Variants in PSD3 observed in about 807,000 individuals in gnomAD.
The protein encoded by PSD3 is PH and SEC7 domain-containing protein 3.
A neutral mutation model predicts 105.5 loss-of-function variants in PSD3; 49 were observed. The observed-to-expected ratio is 0.46, with a 90% CI of 0.37 to 0.59. The LOEUF (loss-of-function observed/expected upper bound fraction) is 0.59. Ranked by LOEUF, PSD3 falls within the 20% of genes least tolerant of loss-of-function variation. The pLI, the probability that PSD3 is intolerant of heterozygous loss-of-function variation, is 0.00. For synonymous variants in PSD3, 557 were observed against 457.8 expected (o/e 1.22, Z -2.77); for missense variants, 1,561 against 1,263.8 (o/e 1.24, Z -3.57).
At chr8:18,699,129 C>A (rs915778740) in intron 9 of PSD3, among the ~76,000 whole-genome samples, 3 of 152,106 alleles carry the variant, frequency 2.0e-5, no homozygotes, top group African/African-American at 7.2e-5. Context: ...TCTCAGCATC[C>A]CTTGCAACTA....
chr8:18,945,188 C>G (rs991705938), intron 1 of PSD3, among the ~76,000 whole-genome samples: 2 of 152,216 alleles, frequency 1.3e-5, no homozygotes, highest in Non-Finnish European at 2.9e-5. Flanking sequence ...TGTCACCTTA[C>G]ATGGCATAGC....
chr8:18,884,101 A>G (rs1818297789), intron 2 of PSD3, among the ~76,000 whole-genome samples: 1 of 152,204 alleles, frequency 6.6e-6, no homozygotes, highest in Admixed American at 6.5e-5. Flanking sequence ...CAGGAAAAAG[A>G]GTGACCACTC....
intron 9 of PSD3, among the ~76,000 whole-genome samples, chr8:18,672,799 G>A (rs915094695): frequency 6.6e-6 from 1 of 152,168 alleles, no homozygotes; most frequent in South Asian, 2.1e-4. Context: ...AACTGCTAGA[G>A]TATAAAGTCT....
intron 1 of PSD3, among the ~76,000 whole-genome samples, chr8:19,066,720 G>A (rs887465989): frequency 3.9e-5 from 6 of 152,294 alleles, no homozygotes; most frequent in Non-Finnish European, 8.8e-5. Context: ...AACAATAATA[G>A]AATCTATCTG....
chr8:19,052,919 G>A (rs569810104), intron 1 of PSD3, among the ~76,000 whole-genome samples: 1 of 152,108 alleles, frequency 6.6e-6, no homozygotes, highest in Non-Finnish European at 1.5e-5. Context: ...TACTTGTAGA[G>A]GGCCTGCTTG....
chr8:18,929,943 A>C (rs1472065563), intron 2 of PSD3, among the ~76,000 whole-genome samples: 1 of 152,240 alleles, frequency 6.6e-6, no homozygotes. Context: ...AAATAAAACT[A>C]TAAAAATGTT....
chr8:19,036,493 C>T (rs1418168795), intron 1 of PSD3, among the ~76,000 whole-genome samples: 1 of 152,136 alleles, frequency 6.6e-6, no homozygotes, highest in Non-Finnish European at 1.5e-5. Context: ...TCCTCTAATC[C>T]AGCTCTCTGC....
intron 9 of PSD3, among the ~76,000 whole-genome samples, chr8:18,670,235 G>C (rs1021909911): frequency 6.6e-6 from 1 of 152,198 alleles, no homozygotes; most frequent in Non-Finnish European, 1.5e-5. Context: ...ACTGAACCGG[G>C]TGGGTCTGAG....
intron 4 of PSD3, among the ~76,000 whole-genome samples, chr8:18,819,761 T>C (rs1327645766): frequency 2.0e-5 from 3 of 151,930 alleles, no homozygotes; most frequent in Non-Finnish European, 4.4e-5. Context: ...GTCTGTTTAG[T>C]AGAGATGGGG....
intron 1 of PSD3, among the ~76,000 whole-genome samples, chr8:19,038,365 C>T (rs986998567): frequency 6.6e-6 from 1 of 152,152 alleles, no homozygotes; most frequent in African/African-American, 2.4e-5. Context: ...TTTTACAGGA[C>T]TTTTATCACT....
intron 10 of PSD3, among the ~76,000 whole-genome samples, chr8:18,634,304 G>C (rs9657489): frequency 0.017 from 2,660 of 152,056 alleles, 76 homozygotes; most frequent in African/African-American, 0.06. Flanking sequence ...TGTGAGATAA[G>C]TGAAAACAAA....
intron 8 of PSD3, among the ~76,000 whole-genome samples, chr8:18,790,581 C>T (rs191986639): frequency 8.5e-5 from 13 of 152,156 alleles, no homozygotes; most frequent in African/African-American, 2.6e-4. Context: ...GGATTACAGG[C>T]GTGAGCCACT....
intron 10 of PSD3, among the ~76,000 whole-genome samples, chr8:18,643,996 A>G (rs1482805769): frequency 1.3e-5 from 2 of 152,218 alleles, no homozygotes; most frequent in African/African-American, 4.8e-5. Flanking sequence ...TGGGGAGCAG[A>G]GAACTGAGGG....
chr8:18,844,785 A>AT (rs1814945894), intron 4 of PSD3, among the ~76,000 whole-genome samples: 1 of 152,236 alleles, frequency 6.6e-6, no homozygotes, highest in Non-Finnish European at 1.5e-5. Context: ...GCTATGGAAG[A>AT]TTTTAACCAA....
chr8:18,782,323 G>T (rs1323173229), intron 8 of PSD3, among the ~76,000 whole-genome samples: 4 of 151,962 alleles, frequency 2.6e-5, no homozygotes, highest in Non-Finnish European at 4.4e-5. Context: ...GGGTTTCGAA[G>T]GGAAAGACAT....
intron 9 of PSD3, among the ~76,000 whole-genome samples, chr8:18,719,186 T>G (rs1024573131): frequency 6.6e-6 from 1 of 152,194 alleles, no homozygotes; most frequent in Non-Finnish European, 1.5e-5. Context: ...GAAGGCACCC[T>G]GGAAGATGGG....
At chr8:18,842,104 C>T (rs1814675038) in intron 4 of PSD3, among the ~76,000 whole-genome samples, 2 of 152,038 alleles carry the variant, frequency 1.3e-5, no homozygotes, top group Admixed American at 1.3e-4. Flanking sequence ...CTTGGAATAC[C>T]AAGAAGCAAA....
chr8:18,935,511 TAAAAAAAAAAA>T (rs5889837), intron 2 of PSD3, among the ~76,000 whole-genome samples: 1 of 138,082 alleles, frequency 7.2e-6, no homozygotes, highest in Non-Finnish European at 1.6e-5. Flanking sequence ...CCCTGTCTCT[TAAAAAAAAAAA>T]AAAAAGAAAA....
intron 11 of PSD3, among the ~76,000 whole-genome samples, chr8:18,623,825 TG>T (rs1285186349): frequency 3.3e-5 from 5 of 152,168 alleles, no homozygotes; most frequent in Non-Finnish European, 7.3e-5. Context: ...AACCATTCTA[TG>T]TTTAATAATT....
Sources: allele counts gnomAD v4.1 joint callset (sites outside exome capture counted in the v4.1 genomes callset), GRCh38; gene constraint gnomAD v4.1.1; transcripts MANE v1.5; gene names NCBI Gene and HGNC (gene_info 2026-07-23, HGNC 2026-07-21).